PPP2R2C: variants seen among roughly 807,000 people sequenced by gnomAD.
The protein encoded by PPP2R2C is protein phosphatase 2 regulatory subunit Bgamma.
In PPP2R2C, 10 loss-of-function variants were observed where a neutral mutation model predicts 45.3. The ratio of observed to expected loss-of-function variants is 0.22; its 90% confidence interval spans 0.14 to 0.37. The LOEUF is 0.37. PPP2R2C is among the 10% of genes least tolerant of loss of function. The probability of loss-of-function intolerance (pLI) is 1.00; values close to 1 mark genes in which losing one functional copy is unlikely to be tolerated. For missense variants in PPP2R2C, 308 were observed against 619.7 expected (o/e 0.50, Z 5.34); for synonymous variants, 257 against 245.4 (o/e 1.05, Z -0.44).
intron 1 of PPP2R2C, among the ~76,000 whole-genome samples, chr4:6,391,725 T>C (rs1365879297): frequency 1.3e-5 from 2 of 152,286 alleles, no homozygotes; most frequent in East Asian, 3.9e-4. Flanking sequence ...GCCGACACAG[T>C]GACCCTTGGG....
chr4:6,378,561 C>A lies in PPP2R2C; in HGVS notation c.180G>T (p.Ala60=). Residue 60 remains alanine (A), a synonymous_variant, in exon 3 of 9, where the codon GCG becomes GCT. Transcript: ENST00000382599. This position sits in a 1 kb window ranked among gnomAD's most constrained non-coding sequence, Gnocchi z 5.2. ...IFQREPESKN[A]PHSQGEYDVY... ...CGTCGTATTCGCCCTGGCTGTGGGG[C>A]GCATTTTTACTCTGCAGGGAAACCC... 1.9e-6 allele frequency: 3 copies of A among 1,613,388 alleles called. No individual in the cohort carries two copies. The highest frequency in any genetic ancestry group is 2.5e-6 in the Non-Finnish European group (3 of 1,179,610).
At chr4:6,512,509 ATGTTGG>A (rs1379360282) in intron 2 of PPP2R2C, among the ~76,000 whole-genome samples, 5 of 42,720 alleles carry the variant, frequency 1.2e-4, no homozygotes, top group East Asian at 1.4e-3. Flanking sequence ...GGTGGTGGTG[ATGTTGG>A]TGGTGGTGGT....
At chr4:6,391,188 C>T (rs1045183140) in intron 1 of PPP2R2C, among the ~76,000 whole-genome samples, 2 of 152,148 alleles carry the variant, frequency 1.3e-5, no homozygotes, top group African/African-American at 2.4e-5. Context: ...CAGGGCTCTG[C>T]CGCCCTGGCC....
intron 1 of PPP2R2C, among the ~76,000 whole-genome samples, chr4:6,536,045 C>T (rs1724601689): frequency 6.6e-6 from 1 of 152,180 alleles, no homozygotes; most frequent in Non-Finnish European, 1.5e-5. Context: ...AGCTTCTTTC[C>T]AGCTCCTTCC....
intron 1 of PPP2R2C, among the ~76,000 whole-genome samples, chr4:6,544,579 C>G (rs1724914645): frequency 6.6e-6 from 1 of 152,170 alleles, no homozygotes; most frequent in South Asian, 2.1e-4. Context: ...TCAAGTGATC[C>G]TCCTGCCTCA....
At chr4:6,521,621 G>T (rs895826014) in intron 2 of PPP2R2C, among the ~76,000 whole-genome samples, 6 of 152,038 alleles carry the variant, frequency 3.9e-5, no homozygotes, top group African/African-American at 1.4e-4. Context: ...CCCCTCCAGG[G>T]CCCTCCTCTC....
intron 2 of PPP2R2C, chr4:6,523,355 C>T (rs1303892598): frequency 6.6e-6 from 1 of 152,278 alleles, no homozygotes; most frequent in African/African-American, 2.4e-5. Flanking sequence ...GTTACTCACC[C>T]TCTCTGATCC....
chr4:6,384,747 C>T (rs1234079490), intron 1 of PPP2R2C: 2 of 985,348 alleles, frequency 2.0e-6, no homozygotes, highest in East Asian at 2.3e-4. Context: ...TATCTGCTAC[C>T]TCCTTTAACC....
chr4:6,346,588 C>G (rs373358251), intron 6 of PPP2R2C, among the ~76,000 whole-genome samples: 3 of 152,316 alleles, frequency 2.0e-5, no homozygotes, highest in Non-Finnish European at 2.9e-5. Context: ...CAGGAATAGG[C>G]GCCTACTGAA....
At chr4:6,523,644 A>G (rs1724097066) in intron 2 of PPP2R2C, 1 of 152,212 alleles carries the variant, frequency 6.6e-6, no homozygotes, top group Non-Finnish European at 1.5e-5. Flanking sequence ...GGCCACCGCA[A>G]AAAAAGCTTG....
rs1714517965 is a variant in PPP2R2C at position 6,368,382 on chromosome 4, T to C, written c.625+4141A>G. On this transcript the variant is annotated intron_variant, in intron 5 of 8. Transcript: ENST00000382599. The surrounding 1 kb of genome is among the most constrained non-coding windows in gnomAD (Gnocchi z 4.2). ...GCTCCAATGCCGGGTATTTTACCAA[T>C]GGTTTATCACGTGTCCACTCCTGGA... 6.6e-6 allele frequency among the ~76,000 whole-genome samples: 1 copy of C among 152,098 alleles called. No individual in the cohort carries two copies. The highest frequency in any genetic ancestry group is 1.5e-5 in the Non-Finnish European group (1 of 68,022).
intron 2 of PPP2R2C, among the ~76,000 whole-genome samples, chr4:6,511,824 G>T (rs1577230131): frequency 1.2e-5 from 1 of 81,010 alleles, no homozygotes; most frequent in African/African-American, 4.8e-5. Context: ...TGGTGATGGT[G>T]GTGGTGGTGG....
rs201405472 is a variant in PPP2R2C at position 6,375,793 on chromosome 4, C to T, written c.447+26G>A. 3.1e-4 allele frequency: 486 copies of T among 1,545,226 alleles called. 2 individuals carry two copies. The African/African-American group carries it at 5.7e-3, about 18-fold the overall frequency. ...CTCAGGTGTAATAAAGAGGCGTGTG[C>T]CTGCTTCCCCCTCACCGGAGCTCAC... On this transcript the variant is annotated intron_variant, in intron 4 of 8. Coordinates refer to ENST00000382599, the MANE Select transcript of PPP2R2C (RefSeq NM_020416.4).
chr4:6,463,294 A>G (rs569292816), intron 1 of PPP2R2C, among the ~76,000 whole-genome samples: 70 of 152,066 alleles, frequency 4.6e-4, no homozygotes, highest in African/African-American at 1.7e-3. Flanking sequence ...TGCCAGACCC[A>G]GAGCACAGGC....
chr4:6,326,781 C>T (rs1004782266), intron 8 of PPP2R2C, among the ~76,000 whole-genome samples: 3 of 152,226 alleles, frequency 2.0e-5, no homozygotes, highest in Admixed American at 6.5e-5. Context: ...CTCCACAGCA[C>T]GCTGCCCATC....
At chr4:6,552,701 T>A (rs1323024518) in intron 1 of PPP2R2C, among the ~76,000 whole-genome samples, 1 of 152,140 alleles carries the variant, frequency 6.6e-6, no homozygotes, top group Non-Finnish European at 1.5e-5. Flanking sequence ...TCTGCAAACT[T>A]CCTTTTGCCA....
At chr4:6,374,456 G>A (rs565152912) in intron 4 of PPP2R2C, among the ~76,000 whole-genome samples, 21 of 152,328 alleles carry the variant, frequency 1.4e-4, no homozygotes, top group African/African-American at 4.6e-4. Flanking sequence ...AAGATGAGGG[G>A]CAAGGAAGAT....
intron 1 of PPP2R2C, among the ~76,000 whole-genome samples, chr4:6,468,486 A>G (rs1455760827): frequency 6.6e-6 from 1 of 152,190 alleles, no homozygotes; most frequent in Non-Finnish European, 1.5e-5. Context: ...ACAGTGTGTG[A>G]TGGCTGAGAT....
upstream of PPP2R2C, among the ~76,000 whole-genome samples, chr4:6,477,074 G>T (rs189477166): frequency 2.5e-3 from 382 of 152,180 alleles, 1 homozygote; most frequent in Non-Finnish European, 3.5e-3. Context: ...GGCAACATGG[G>T]AGACCCCGTC....
Sources: allele counts gnomAD v4.1 joint callset (sites outside exome capture counted in the v4.1 genomes callset), GRCh38; gene constraint gnomAD v4.1.1; non-coding constraint Gnocchi (gnomAD v3.1); transcripts MANE v1.5; gene names NCBI Gene and HGNC (gene_info 2026-07-23, HGNC 2026-07-21).